ACOXL: variants seen among roughly 807,000 people sequenced by gnomAD.
ACOXL encodes the protein acyl-CoA oxidase like.
A neutral mutation model predicts 71.9 loss-of-function variants in ACOXL; 70 were observed. The ratio of observed to expected loss-of-function variants is 0.97; its 90% CI spans 0.80 to 1.19. ACOXL has a LOEUF of 1.19. Ranked by LOEUF, ACOXL falls within the 50% of genes most tolerant of loss-of-function variation. The pLI, the probability that ACOXL is intolerant of heterozygous loss-of-function variation, is 0.00. For missense variants in ACOXL, 703 were observed against 736.3 expected, an observed-to-expected ratio of 0.95 and a Z score of 0.52; for synonymous variants, 253 against 281.6, an observed-to-expected ratio of 0.90 and a Z score of 1.02.
chr2:110,958,699 G>C (rs1407637537), intron 12 of ACOXL, among the ~76,000 whole-genome samples: 1 of 152,248 alleles, frequency 6.6e-6, no homozygotes, highest in Admixed American at 6.5e-5. Context: ...CGTGGCAGGA[G>C]TGGGAGTGGA....
At chr2:111,049,148 C>A in intron 15 of ACOXL, 70 bp from the exon 16 acceptor site, 1 of 1,192,732 alleles carries the variant, frequency 8.4e-7, no homozygotes, top group South Asian at 1.3e-5. Context: ...ACCACAGTGT[C>A]CTCCTTCACA....
chr2:111,111,531 T>A (rs2069962662), intron 17 of ACOXL, among the ~76,000 whole-genome samples: 1 of 152,270 alleles, frequency 6.6e-6, no homozygotes, highest in African/African-American at 2.4e-5. Flanking sequence ...GTGGTTACTT[T>A]AATCCCATTG....
chr2:110,964,156 CA>C (rs1050885323), intron 12 of ACOXL, among the ~76,000 whole-genome samples: 3 of 152,178 alleles, frequency 2.0e-5, no homozygotes, highest in Non-Finnish European at 2.9e-5. Flanking sequence ...CATGTTGGCA[CA>C]GGGGGGTCCC....
chr2:110,805,994 A>T (rs1686592931), intron 9 of ACOXL, among the ~76,000 whole-genome samples: 1 of 152,230 alleles, frequency 6.6e-6, no homozygotes, highest in South Asian at 2.1e-4. Context: ...CTTTGCCTGA[A>T]GGAAAAGCCT....
intron 10 of ACOXL, among the ~76,000 whole-genome samples, chr2:110,904,703 G>T (rs1321654472): frequency 6.6e-6 from 1 of 152,228 alleles, no homozygotes; most frequent in African/African-American, 2.4e-5. Flanking sequence ...TGGTTAGAAG[G>T]GAGAGGGCAT....
chr2:111,105,260 G>C (rs898597017), intron 17 of ACOXL, among the ~76,000 whole-genome samples: 6 of 152,046 alleles, frequency 3.9e-5, no homozygotes, highest in African/African-American at 1.4e-4. Flanking sequence ...TTAAAATATG[G>C]TAGTTTGATT....
chr2:110,958,111 A>G (rs982781372), intron 12 of ACOXL, among the ~76,000 whole-genome samples: 1 of 151,806 alleles, frequency 6.6e-6, no homozygotes. Context: ...TAGTACCTGC[A>G]TATGCACGCG....
At chr2:110,966,220 C>T (rs1301028938) in intron 12 of ACOXL, among the ~76,000 whole-genome samples, 2 of 152,070 alleles carry the variant, frequency 1.3e-5, no homozygotes, top group Non-Finnish European at 2.9e-5. Flanking sequence ...GCTCAGATTC[C>T]CCACCAGAGT....
At chr2:110,950,625 C>A (rs2061292459) in intron 12 of ACOXL, among the ~76,000 whole-genome samples, 1 of 152,114 alleles carries the variant, frequency 6.6e-6, no homozygotes, top group African/African-American at 2.4e-5. Flanking sequence ...AAGGATTCAC[C>A]CCATATCCCA....
chr2:111,021,486 C>T (rs887275157), intron 14 of ACOXL, among the ~76,000 whole-genome samples: 2 of 152,152 alleles, frequency 1.3e-5, no homozygotes, highest in African/African-American at 4.8e-5. Flanking sequence ...TGCCAAGAAT[C>T]CCACATTCTC....
rs2060557854 is a variant in ACOXL at position 110,933,580 on chromosome 2, G to A, written c.997G>A (p.Ala333Thr). 3 of 1,613,994 alleles carry A rather than the reference G, an allele frequency of 1.9e-6. No individual in the cohort carries two copies. The highest frequency in any genetic ancestry group is 2.5e-6 in the Non-Finnish European group (3 of 1,179,996). The change falls in exon 12 of 18, where the codon GCC becomes ACC. Residue 333 changes from alanine to threonine, a missense_variant. By Grantham distance (58) the Ala-to-Thr change is moderately conservative. Transcript: ENST00000439055. ...GCAGGCTCTGGTGGCGGGGCTGAAGGCCTACAGCACCTGGGAGAACATCCG... is the reference window on the plus strand; with the variant it reads ...GCAGGCTCTGGTGGCGGGGCTGAAGACCTACAGCACCTGGGAGAACATCCG... ...SLQALVAGLK[A>T]YSTWENIRCL...
intron 16 of ACOXL, among the ~76,000 whole-genome samples, chr2:111,050,086 G>A (rs1379348356): frequency 6.6e-6 from 1 of 152,134 alleles, no homozygotes; most frequent in Non-Finnish European, 1.5e-5. Flanking sequence ...TTTCCATGAT[G>A]TCACTTCAGT....
chr2:110,897,661 G>T (rs376128680), intron 10 of ACOXL, among the ~76,000 whole-genome samples: 1 of 152,068 alleles, frequency 6.6e-6, no homozygotes, highest in Non-Finnish European at 1.5e-5. Context: ...AATTTTGGGG[G>T]TACATATTCA....
intron 14 of ACOXL, among the ~76,000 whole-genome samples, chr2:111,031,204 G>C (rs2149747316): frequency 6.6e-6 from 1 of 152,284 alleles, no homozygotes; most frequent in South Asian, 2.1e-4. Flanking sequence ...AAACACTTTG[G>C]AAACAAATGG....
intron 15 of ACOXL, among the ~76,000 whole-genome samples, chr2:111,046,512 T>TCATGGCAGAAAGGGAAG (rs1262765439): frequency 2.0e-5 from 3 of 152,060 alleles, no homozygotes; most frequent in Non-Finnish European, 4.4e-5. Flanking sequence ...AAACTTACAA[T>TCATGGCAGAAAGGGAAG]CATGGCAGAA....
intron 17 of ACOXL, among the ~76,000 whole-genome samples, 197 bp downstream of exon 17, chr2:111,093,163 TG>T (rs1343387844): frequency 6.6e-6 from 1 of 151,460 alleles, no homozygotes; most frequent in Non-Finnish European, 1.5e-5. Context: ...AGTGACTCAC[TG>T]TACATGAGTT....
At chr2:110,970,944 T>G (rs1558806590) in intron 12 of ACOXL, among the ~76,000 whole-genome samples, 1 of 152,164 alleles carries the variant, frequency 6.6e-6, no homozygotes, top group Non-Finnish European at 1.5e-5. Context: ...AAAGCACATT[T>G]CATAAAAGGA....
chr2:111,022,416 C>A (rs561814083), intron 14 of ACOXL, among the ~76,000 whole-genome samples: 1 of 122,742 alleles, frequency 8.1e-6, no homozygotes, highest in South Asian at 2.7e-4. Context: ...TATAAAGACC[C>A]CTCCTCACAC....
chr2:110,808,291 C>A (rs1481582967), intron 9 of ACOXL, among the ~76,000 whole-genome samples: 1 of 152,126 alleles, frequency 6.6e-6, no homozygotes, highest in African/African-American at 2.4e-5. Context: ...TTAGCTAAGA[C>A]AAGCTCATCT....
Sources: gnomAD v4.1 joint callset for allele counts (sites outside exome capture counted in the v4.1 genomes callset) on GRCh38, gnomAD v4.1.1 for gene constraint, MANE v1.5 for transcripts, NCBI Gene and HGNC (gene_info 2026-07-23, HGNC 2026-07-21) for gene names.